GPHN: variants seen among roughly 807,000 people sequenced by gnomAD.
GPHN encodes the protein gephyrin.
Under a neutral mutation model 95.5 loss-of-function variants are expected in GPHN, and 17 were observed. The ratio of observed to expected loss-of-function variants is 0.18; its 90% confidence interval spans 0.12 to 0.27. The LOEUF is 0.27. Among genes scored for constraint, GPHN ranks in the 10% least tolerant of loss-of-function variants. The pLI is 1.00. For missense variants in GPHN, 660 were observed against 978.1 expected, an observed-to-expected ratio of 0.67 and a Z score of 4.34; for synonymous variants, 320 against 322.5, an observed-to-expected ratio of 0.99 and a Z score of 0.08.
At chr14:67,678,437 A>G in the GPHN span, 1 of 1,569,932 alleles carries the variant, frequency 6.4e-7, no homozygotes, top group Non-Finnish European at 8.8e-7. Flanking sequence ...GAAGGTAAAG[A>G]GAAAGGTATG....
chr14:67,216,792 T>C, the GPHN span, among the ~76,000 whole-genome samples: 1 of 152,212 alleles, frequency 6.6e-6, no homozygotes, highest in East Asian at 1.9e-4. Flanking sequence ...TTTTTAAAAA[T>C]TTTGGATAAA....
chr14:67,545,778 T>C, the GPHN span, among the ~76,000 whole-genome samples: 4 of 152,170 alleles, frequency 2.6e-5, no homozygotes, highest in African/African-American at 9.7e-5. Flanking sequence ...AAAATCAGCA[T>C]TGAATAAAAA....
At chr14:67,358,210 C>T in the GPHN span, among the ~76,000 whole-genome samples, 14 of 152,262 alleles carry the variant, frequency 9.2e-5, no homozygotes, top group South Asian at 2.5e-3. Context: ...TCATCACGTC[C>T]TAGGAGTTCT....
At chr14:66,954,430 T>C (rs2068342520) in intron 8 of GPHN, among the ~76,000 whole-genome samples, 1 of 152,238 alleles carries the variant, frequency 6.6e-6, no homozygotes, top group Non-Finnish European at 1.5e-5. Context: ...TTTTTGAACA[T>C]TTCAGTATTG....
chr14:66,557,705 C>G (rs1005106466), intron 1 of GPHN, among the ~76,000 whole-genome samples: 2 of 152,104 alleles, frequency 1.3e-5, no homozygotes, highest in African/African-American at 4.8e-5. Flanking sequence ...AGGGCTGTCA[C>G]ATTATCTGTA....
intron 3 of GPHN, among the ~76,000 whole-genome samples, chr14:66,802,604 C>T (rs944989359): frequency 3.3e-5 from 5 of 152,200 alleles, no homozygotes; most frequent in African/African-American, 1.2e-4. Flanking sequence ...CCATCTCACC[C>T]AAGCCCTTGA....
the GPHN span, among the ~76,000 whole-genome samples, chr14:67,217,036 G>A: frequency 6.6e-6 from 1 of 152,004 alleles, no homozygotes; most frequent in African/African-American, 2.4e-5. Flanking sequence ...TATTGTATTG[G>A]GATCTCTATT....
rs1374355013 is a variant in GPHN, at chr14:67,153,755, C to T, written c.1837-5660C>T. On this transcript the variant is annotated intron_variant, in intron 18 of 22. Transcript: ENST00000478722. ...ATTTTTCTGACCACTGGTGTTTCTC[C>T]TTACCTGAGTTGAAGAAGAGACTTA... Among the ~76,000 whole-genome samples the T allele has an allele frequency of 2.6e-5, 4 of 152,208 alleles. No homozygotes were observed. In the East Asian group the frequency reaches 7.7e-4, roughly 29 times the overall value.
chr14:67,114,072 T>C (rs2078533309), intron 16 of GPHN, among the ~76,000 whole-genome samples: 1 of 152,220 alleles, frequency 6.6e-6, no homozygotes, highest in Non-Finnish European at 1.5e-5. Flanking sequence ...GGTCTTTTTA[T>C]GACATTATAG....
At chr14:67,204,873 A>G in the GPHN span, 1 of 1,614,018 alleles carries the variant, frequency 6.2e-7, no homozygotes, top group Admixed American at 1.7e-5. Flanking sequence ...GGGACAGCAT[A>G]GATTTCCCAG....
intron 2 of GPHN, among the ~76,000 whole-genome samples, chr14:66,694,905 C>T (rs2068015852): frequency 6.6e-6 from 1 of 152,196 alleles, no homozygotes; most frequent in South Asian, 2.1e-4. Flanking sequence ...CGCCTGTAAT[C>T]CCAACACTTT....
chr14:67,168,973 T>G lies in GPHN; in HGVS notation c.2016T>G (p.Val672=). Residue 672 remains valine (V), a synonymous_variant, in exon 21 of 23, where the codon GTT becomes GTG. Coordinates refer to ENST00000478722, the MANE Select transcript of GPHN (RefSeq NM_020806.5). ...CTGTGGTCACCTGCAATCTCTTTGT[T>G]GTGCCTGCACTGAGGAAAATGCAGG... ...VSAVVTCNLF[V]VPALRKMQGI... 1 of 1,613,636 alleles carries G rather than the reference T, an allele frequency of 6.2e-7. No individual in the cohort carries two copies. The highest frequency in any genetic ancestry group is 2.2e-5 in the East Asian group (1 of 44,884).
chr14:67,148,653 C>T (rs542712917), intron 18 of GPHN, among the ~76,000 whole-genome samples: 2 of 151,234 alleles, frequency 1.3e-5, no homozygotes, highest in South Asian at 2.1e-4. Flanking sequence ...CTCCGCCTCC[C>T]GGGTTCATGC....
At chr14:67,562,908 T>G in the GPHN span, 1 of 1,607,626 alleles carries the variant, frequency 6.2e-7, no homozygotes, top group Non-Finnish European at 8.5e-7. Context: ...AGAGGCAACC[T>G]CCGGGCTGGG....
intron 18 of GPHN, among the ~76,000 whole-genome samples, chr14:67,144,246 A>ATATATATATATATAT (rs1237842407): frequency 1.5e-5 from 1 of 65,618 alleles, no homozygotes; most frequent in Non-Finnish European, 2.6e-5. Flanking sequence ...TAAAAAAAAA[A>ATATATATATATATAT]AAAAATATAT....
At chr14:66,580,747 G>A (rs1050721660) in intron 1 of GPHN, among the ~76,000 whole-genome samples, 9 of 151,608 alleles carry the variant, frequency 5.9e-5, no homozygotes, top group African/African-American at 1.7e-4. Context: ...AATATTTAAA[G>A]AATAAACACC....
At chr14:67,590,607 C>T in the GPHN span, among the ~76,000 whole-genome samples, 2 of 152,216 alleles carry the variant, frequency 1.3e-5, no homozygotes, top group African/African-American at 2.4e-5. Context: ...GATCTGCCCA[C>T]CTCGGCTTCC....
Position 67,166,878 on chromosome 14 carries a change from C to T in GPHN, c.1975+1652C>T, listed in dbSNP as rs535780800. 2.4e-3 allele frequency among the ~76,000 whole-genome samples: 366 copies of T among 152,254 alleles called. 4 individuals are homozygous for T. The highest frequency in any genetic ancestry group is 8.3e-3 in the African/African-American group (343 of 41,556). On this transcript the variant is annotated intron_variant, in intron 20 of 22. Coordinates refer to ENST00000478722, the MANE Select transcript of GPHN (RefSeq NM_020806.5). ...AGAGACGGGGTTTCACCATGTTGCC[C>T]GGGCTGGTCTCAACTTCTGAGCTCA...
the GPHN span, among the ~76,000 whole-genome samples, chr14:67,507,513 G>A: frequency 2.0e-5 from 3 of 151,988 alleles, no homozygotes; most frequent in East Asian, 5.8e-4. Context: ...CAGTGGTGTG[G>A]TCACAGCTCA....
Sources: allele counts gnomAD v4.1 joint callset (sites outside exome capture counted in the v4.1 genomes callset), GRCh38; gene constraint gnomAD v4.1.1; transcripts MANE v1.5; gene names NCBI Gene and HGNC (gene_info 2026-07-23, HGNC 2026-07-21).